Variants in POLR1B observed in about 807,000 individuals in gnomAD.
POLR1B encodes DNA-directed RNA polymerase I subunit RPA2.
POLR1B carries 30 observed loss-of-function variants against 105.8 expected under a neutral mutation model. The observed-to-expected ratio is 0.28, with a 90% CI of 0.21 to 0.38. The LOEUF is 0.38. Ranked by LOEUF, POLR1B falls within the 10% of genes least tolerant of loss-of-function variation. The probability of loss-of-function intolerance (pLI) is 1.00; values close to 1 mark genes in which losing one functional copy is unlikely to be tolerated. For synonymous variants in POLR1B, 485 were observed against 505.1 expected, an observed-to-expected ratio of 0.96 and a Z score of 0.53; for missense variants, 976 against 1,435.8, an observed-to-expected ratio of 0.68 and a Z score of 5.17.
chr2:112,574,083 G>C (rs1005842548), intron 14 of POLR1B, among the ~76,000 whole-genome samples: 2 of 152,096 alleles, frequency 1.3e-5, no homozygotes, highest in Non-Finnish European at 2.9e-5. Flanking sequence ...GGGCTCAAGT[G>C]ATCCACCTGC....
upstream of POLR1B, chr2:112,542,110 C>G (rs1362353626): frequency 2.0e-6 from 3 of 1,535,434 alleles, no homozygotes; most frequent in African/African-American, 4.1e-5. Context: ...CAGAAGAGAG[C>G]CTGAGAAGAC....
rs34661360 is a variant in POLR1B, at chr2:112,545,646, G to GTT, written c.178-1356_178-1355dup. Among the ~76,000 whole-genome samples, 466 of 147,950 alleles carry GTT rather than the reference G, an allele frequency of 3.1e-3. 6 individuals carry two copies. Among genetic ancestry groups the GTT allele is most frequent in the Non-Finnish European group, 5.0e-3 (336 of 66,952 alleles). ...ATCTCTCTTTTTTTAACTTCATTCT[G>GTT]TTTTTTTTTTTGAGACAGGATCTCA... On this transcript the variant is annotated intron_variant, in intron 1 of 14. Transcript: ENST00000263331.
In POLR1B at chr2:112,549,499, CT is replaced by C. The variant is rs34591927; in HGVS notation, c.625+117del. 0.31 allele frequency: 177,857 copies of C among 571,242 alleles called. 4,063 individuals are homozygous for C. The highest frequency in any genetic ancestry group is 0.41 in the African/African-American group (16,890 of 40,732). The allele number at this position is 571,242 out of a possible 1,614,324, so 35.4% of individuals were successfully genotyped here. On this transcript the variant is annotated intron_variant, in intron 4 of 14. Coordinates refer to ENST00000263331, the MANE Select transcript of POLR1B (RefSeq NM_019014.6). ...CAAATGGTCTTTGATATTTTTGTTTCTTTTTTTTTTTTTTTTTGGTAGGGAT... is the reference window on the plus strand; with the variant it reads ...CAAATGGTCTTTGATATTTTTGTTTCTTTTTTTTTTTTTTTTGGTAGGGAT...
intron 13 of POLR1B, among the ~76,000 whole-genome samples, chr2:112,573,222 C>T (rs561160470): frequency 5.3e-5 from 8 of 152,314 alleles, no homozygotes; most frequent in African/African-American, 1.9e-4. Context: ...CCTGCCTCAG[C>T]CTCTCGAATA....
intron 10 of POLR1B, 68 bp from the exon 11 acceptor site, chr2:112,567,899 C>A: frequency 7.4e-7 from 1 of 1,342,554 alleles, no homozygotes; most frequent in Non-Finnish European, 1.1e-6. Context: ...TTCCATGGGG[C>A]ATAAGACTGG....
intron 5 of POLR1B, among the ~76,000 whole-genome samples, 188 bp from the exon 6 acceptor site, chr2:112,551,587 T>G (rs1034113146): frequency 4.6e-5 from 7 of 152,228 alleles, no homozygotes; most frequent in Non-Finnish European, 8.8e-5. Flanking sequence ...ATGAGGACCC[T>G]GGAGGCAATT....
chr2:112,546,979 G>A (rs896211862), intron 1 of POLR1B, 33 bp from the exon 2 acceptor site: 18 of 1,605,750 alleles, frequency 1.1e-5, no homozygotes, highest in Non-Finnish European at 1.4e-5. Flanking sequence ...CCTTGGAAAT[G>A]CAAGCAATTT....
In POLR1B at chr2:112,550,908, A is replaced by G. The variant is rs771056874; in HGVS notation, c.668A>G (p.Asn223Ser). The G allele has an allele frequency of 5.0e-6, 8 of 1,613,948 alleles. No individual in the cohort carries two copies. Among genetic ancestry groups the G allele is most frequent in the East Asian group, 2.2e-5 (1 of 44,884 alleles). The change falls in exon 5 of 15, where the codon AAT (asparagine) becomes AGT (serine). Residue 223 changes from asparagine to serine, a missense_variant. By Grantham distance (46) the Asn-to-Ser change is conservative. This residue lies in a region of POLR1B where 452 missense variants were observed against 616.5 expected (regional missense o/e 0.73). Transcript: ENST00000263331. ...HCVREEHSAV[N>S]MNLHYLENGT... ...GTGAGGGAAGAACATTCCGCTGTCA[A>G]TATGAACCTCCACTACTTGGAAAAT...
At chr2:112,545,347 T>C (rs1220870583) in intron 1 of POLR1B, among the ~76,000 whole-genome samples, 2 of 152,200 alleles carry the variant, frequency 1.3e-5, no homozygotes, top group Non-Finnish European at 2.9e-5. Flanking sequence ...ATAGGCTTTG[T>C]TCAGGCATGA....
intron 1 of POLR1B, chr2:112,545,806 AT>A (rs1225109897): frequency 1.6e-5 from 6 of 366,054 alleles, no homozygotes; most frequent in East Asian, 1.2e-4. Flanking sequence ...TGCCCGGCTA[AT>A]TTTTTTATTT....
Position 112,573,943 on chromosome 2 carries a change from C to A in POLR1B, c.2525+128C>A, listed in dbSNP as rs888626852. 15 of 1,112,284 alleles carry A rather than the reference C, an allele frequency of 1.3e-5. No homozygotes were observed. The South Asian group carries it at 2.3e-4, about 17-fold the overall frequency. The allele number at this position is 1,112,284 out of a possible 1,614,324, so 68.9% of individuals were successfully genotyped here. A position where few individuals can be genotyped will look rare whatever the true frequency, so the allele number is the denominator to read the frequency against. On this transcript the variant is annotated intron_variant, in intron 14 of 14. Coordinates refer to ENST00000263331, the MANE Select transcript of POLR1B (RefSeq NM_019014.6). ...CTCACTACAACCACCACCTCCCGGG[C>A]TCAAGCAATCCTCTCGCCTCAGCCT...
chr2:112,564,648 G>A, intron 10 of POLR1B, 149 bp downstream of exon 10: 1 of 1,098,358 alleles, frequency 9.1e-7, no homozygotes, highest in Non-Finnish European at 1.3e-6. Flanking sequence ...TCCCTCTGGT[G>A]ACAGAGGCTT....
intron 5 of POLR1B, among the ~76,000 whole-genome samples, chr2:112,551,459 G>T (rs1228474748): frequency 6.6e-6 from 1 of 152,162 alleles, no homozygotes. Context: ...AAGCTGCAGT[G>T]CCCTTTGTGA....
rs551045379 is a variant in POLR1B at position 112,571,248 on chromosome 2, G to A, written c.2075-1314G>A. Among the ~76,000 whole-genome samples the A allele has an allele frequency of 2.6e-5, 4 of 152,222 alleles. No individual in the cohort carries two copies. The South Asian group carries it at 8.3e-4, about 32-fold the overall frequency. On this transcript the variant is annotated intron_variant, in intron 12 of 14. Coordinates refer to ENST00000263331, the MANE Select transcript of POLR1B (RefSeq NM_019014.6). The stretch of plus-strand genomic sequence containing the variant: ...GTCATCTTAGTATCAGTCTCTTTGA[G>A]TATAAGTCAAGTTTCACCATTTCTT...
chr2:112,543,592 G>A (rs1453227474), intron 1 of POLR1B, among the ~76,000 whole-genome samples: 1 of 152,148 alleles, frequency 6.6e-6, no homozygotes, highest in African/African-American at 2.4e-5. Flanking sequence ...TGGTTTTGTT[G>A]GGTAAGATTT....
At chr2:112,546,368 CAAGTT>C (rs1178960706) in intron 1 of POLR1B, among the ~76,000 whole-genome samples, 2 of 152,066 alleles carry the variant, frequency 1.3e-5, no homozygotes, top group African/African-American at 4.8e-5. Context: ...TGCACATAGA[CAAGTT>C]AAGAATACAC....
At position 112,579,309 on chromosome 2, in the gene POLR1B, T is replaced by C. The variant is rs1182388420; in HGVS notation, c.*3580T>C. On this transcript the variant is annotated 3_prime_UTR_variant, in exon 15 of 15. Coordinates refer to ENST00000263331, the MANE Select transcript of POLR1B (RefSeq NM_019014.6). ...TGTGTAAACATAAGTTTCATTTCCC[T>C]GGGACAAGTGTTCAAGACTGGGATT... Among the ~76,000 whole-genome samples, 1 of 150,914 alleles carries C rather than the reference T, an allele frequency of 6.6e-6. No individual in the cohort carries two copies. The highest frequency in any genetic ancestry group is 1.5e-5 in the Non-Finnish European group (1 of 67,880).
In POLR1B at chr2:112,579,154, G is replaced by A. The variant is rs1019524041; in HGVS notation, c.*3425G>A. Among the ~76,000 whole-genome samples, 1 of 124,920 alleles carries A rather than the reference G, an allele frequency of 8.0e-6. No individual in the cohort carries two copies. Among genetic ancestry groups the A allele is most frequent in the African/African-American group, 3.0e-5 (1 of 33,188 alleles). The allele number at this position is 124,920 out of a possible 152,430, so 82.0% of individuals were successfully genotyped here. A position where few individuals can be genotyped will look rare whatever the true frequency, so the allele number is the denominator to read the frequency against. On this transcript the variant is annotated 3_prime_UTR_variant, in exon 15 of 15. Transcript: ENST00000263331. Reference sequence around the variant, plus strand: ...ACCCAGGAGGCAGAGGTTGCAGTGAGCCAAGATCACGCCACTGCACAGCAA... The same window carrying A: ...ACCCAGGAGGCAGAGGTTGCAGTGAACCAAGATCACGCCACTGCACAGCAA...
intron 7 of POLR1B, among the ~76,000 whole-genome samples, chr2:112,556,368 G>T (rs1205698814): frequency 1.3e-5 from 2 of 152,190 alleles, no homozygotes; most frequent in African/African-American, 4.8e-5. Flanking sequence ...TCCTACTAGT[G>T]TGTAGTCAGT....
Sources: allele counts gnomAD v4.1 joint callset (sites outside exome capture counted in the v4.1 genomes callset), GRCh38; gene constraint gnomAD v4.1.1; regional missense constraint gnomAD v4.1.1; transcripts MANE v1.5; gene names NCBI Gene and HGNC (gene_info 2026-07-23, HGNC 2026-07-21).